Variants in RMST observed in about 807,000 individuals in gnomAD.
RMST encodes the protein long intergenic non-protein coding RNA 54.
At chr12:97,501,022 C>A (rs1056875978) in intron 10 of RMST, among the ~76,000 whole-genome samples, 10 of 152,180 alleles carry the variant, frequency 6.6e-5, no homozygotes, top group African/African-American at 1.9e-4. Context: ...AATGATTGCT[C>A]ACAATGTCTG....
At chr12:97,466,427 T>C (rs1873197051) in intron 5 of RMST, among the ~76,000 whole-genome samples, 2 of 152,132 alleles carry the variant, frequency 1.3e-5, no homozygotes, top group African/African-American at 2.4e-5. Flanking sequence ...TTTCCCAAGA[T>C]TTAATTTTAG....
intron 10 of RMST, among the ~76,000 whole-genome samples, chr12:97,509,238 G>A (rs1219599796): frequency 6.6e-6 from 1 of 152,110 alleles, no homozygotes; most frequent in Admixed American, 6.5e-5. Context: ...TTCACCATAG[G>A]CATACAGCTG....
intron 5 of RMST, among the ~76,000 whole-genome samples, chr12:97,486,739 G>T (rs918271531): frequency 6.6e-6 from 1 of 152,154 alleles, no homozygotes; most frequent in African/African-American, 2.4e-5. Context: ...AGTCTTTAAA[G>T]ATTTGAATGA....
At chr12:97,538,717 T>G (rs1465864509) in intron 11 of RMST, among the ~76,000 whole-genome samples, 1 of 151,436 alleles carries the variant, frequency 6.6e-6, no homozygotes, top group Admixed American at 6.6e-5. Context: ...CACATTTAAT[T>G]TAGGTTTAAG....
intron 10 of RMST, among the ~76,000 whole-genome samples, chr12:97,513,441 C>A (rs990489055): frequency 6.6e-6 from 1 of 152,216 alleles, no homozygotes; most frequent in Non-Finnish European, 1.5e-5. Context: ...ACACTCATTT[C>A]TAAATATTTA....
intron 11 of RMST, among the ~76,000 whole-genome samples, chr12:97,549,347 T>G (rs1189439492): frequency 1.3e-5 from 2 of 152,254 alleles, no homozygotes; most frequent in African/African-American, 4.8e-5. Context: ...AGAGCCATTC[T>G]CAGAGAGCAT....
intron 10 of RMST, among the ~76,000 whole-genome samples, chr12:97,524,596 C>T (rs1412915207): frequency 1.3e-5 from 2 of 152,162 alleles, no homozygotes; most frequent in African/African-American, 4.8e-5. Flanking sequence ...ATCTGTTTAA[C>T]TATCATCTAC....
At chr12:97,495,238 A>G (rs563657861) in intron 9 of RMST, among the ~76,000 whole-genome samples, 25 of 151,960 alleles carry the variant, frequency 1.6e-4, no homozygotes, top group African/African-American at 5.5e-4. Flanking sequence ...TTGACTTTTG[A>G]TGTGTGAATT....
intron 10 of RMST, among the ~76,000 whole-genome samples, chr12:97,510,255 C>T (rs750888118): frequency 1.3e-5 from 2 of 152,120 alleles, no homozygotes; most frequent in Non-Finnish European, 2.9e-5. Context: ...CTCTAAGAAG[C>T]GTTTTCTGAG....
chr12:97,478,703 T>C (rs1021294072), intron 5 of RMST, among the ~76,000 whole-genome samples: 4 of 152,206 alleles, frequency 2.6e-5, no homozygotes, highest in Admixed American at 2.0e-4. Flanking sequence ...AGCACTCTGA[T>C]AGTGACTGAC....
chr12:97,510,288 T>C (rs1210286190), intron 10 of RMST, among the ~76,000 whole-genome samples: 1 of 152,188 alleles, frequency 6.6e-6, no homozygotes, highest in African/African-American at 2.4e-5. Flanking sequence ...GATAGAGGCA[T>C]AGAAAAATCC....
chr12:97,499,952 C>G (rs1877905391), intron 10 of RMST, among the ~76,000 whole-genome samples: 1 of 152,100 alleles, frequency 6.6e-6, no homozygotes, highest in Non-Finnish European at 1.5e-5. Context: ...AGTCATCATG[C>G]CCGGCCTATG....
At chr12:97,508,424 G>A (rs1370003997) in intron 10 of RMST, among the ~76,000 whole-genome samples, 1 of 152,140 alleles carries the variant, frequency 6.6e-6, no homozygotes, top group Non-Finnish European at 1.5e-5. Context: ...TTGTCAACTG[G>A]TAAAATGAGA....
intron 5 of RMST, among the ~76,000 whole-genome samples, chr12:97,475,483 C>A (rs528060428): frequency 6.6e-6 from 1 of 152,046 alleles, no homozygotes; most frequent in Non-Finnish European, 1.5e-5. Flanking sequence ...AGACCTACTA[C>A]GACCATGGAC....
At chr12:97,551,099 C>A (rs1883275235) in intron 11 of RMST, among the ~76,000 whole-genome samples, 1 of 151,200 alleles carries the variant, frequency 6.6e-6, no homozygotes, top group Non-Finnish European at 1.5e-5. Flanking sequence ...ACAATATGCT[C>A]TCTTGCTATC....
At chr12:97,481,962 T>G (rs1875344356) in intron 5 of RMST, among the ~76,000 whole-genome samples, 1 of 152,234 alleles carries the variant, frequency 6.6e-6, no homozygotes, top group Non-Finnish European at 1.5e-5. Flanking sequence ...AGTTCAGATT[T>G]ACAAACATTG....
chr12:97,550,633 CATAAG>C (rs1489823076), intron 11 of RMST, among the ~76,000 whole-genome samples: 1 of 152,040 alleles, frequency 6.6e-6, no homozygotes, highest in Non-Finnish European at 1.5e-5. Flanking sequence ...TTCCTGGCTC[CATAAG>C]ATAAAATATT....
At chr12:97,561,124 C>T (rs1884070196) in intron 13 of RMST, 1 of 152,234 alleles carries the variant, frequency 6.6e-6, no homozygotes, top group Non-Finnish European at 1.5e-5. Flanking sequence ...GACTATCATA[C>T]ATGTATTTCC....
At chr12:97,466,294 A>C (rs1873178579) in intron 5 of RMST, among the ~76,000 whole-genome samples, 1 of 152,142 alleles carries the variant, frequency 6.6e-6, no homozygotes. Flanking sequence ...AAGGTATTAA[A>C]AAAGCCCTGA....
Sources: gnomAD v4.1 joint callset for allele counts (sites outside exome capture counted in the v4.1 genomes callset) on GRCh38, gnomAD v4.1.1 for gene constraint, MANE v1.5 for transcripts, NCBI Gene and HGNC (gene_info 2026-07-23, HGNC 2026-07-21) for gene names.